The following ADAM12 variants were observed in gnomAD, a reference collection of about 807,000 sequenced individuals.
The protein encoded by ADAM12 is disintegrin and metalloproteinase domain-containing protein 12.
A neutral mutation model predicts 106.4 loss-of-function variants in ADAM12; 70 were observed. That is an observed-to-expected ratio of 0.66 (90% CI 0.54 to 0.80). The LOEUF (loss-of-function observed/expected upper bound fraction) is 0.80, where lower values mean the gene tolerates loss of function less well. ADAM12 is among the 30% of genes least tolerant of loss of function. The pLI is 0.00. For missense variants in ADAM12, 1,010 were observed against 1,171.9 expected, an observed-to-expected ratio of 0.86 and a Z score of 2.02; for synonymous variants, 420 against 433.5, an observed-to-expected ratio of 0.97 and a Z score of 0.39.
chr10:126,254,366 G>A (rs1263126056), intron 3 of ADAM12, among the ~76,000 whole-genome samples: 1 of 152,206 alleles, frequency 6.6e-6, no homozygotes, highest in African/African-American at 2.4e-5. Flanking sequence ...AAAATGCCAA[G>A]CGCAAGTCAT....
chr10:126,018,114 T>G (rs141867577), intron 22 of ADAM12, among the ~76,000 whole-genome samples: 401 of 152,384 alleles, frequency 2.6e-3, no homozygotes, highest in African/African-American at 9.0e-3. Flanking sequence ...TAAGCAGCTC[T>G]TTCTTTCACG....
At chr10:126,159,547 T>C (rs1001694524) in intron 3 of ADAM12, among the ~76,000 whole-genome samples, 1 of 152,084 alleles carries the variant, frequency 6.6e-6, no homozygotes, top group African/African-American at 2.4e-5. Context: ...GAGTGATGGG[T>C]GCAGACATTT....
At chr10:126,357,716 A>G (rs1457325007) in intron 1 of ADAM12, among the ~76,000 whole-genome samples, 1 of 152,144 alleles carries the variant, frequency 6.6e-6, no homozygotes, top group Non-Finnish European at 1.5e-5. Flanking sequence ...AGACCCTTAT[A>G]AAAAGACCCA....
intron 1 of ADAM12, among the ~76,000 whole-genome samples, chr10:126,339,276 C>T (rs1313350368): frequency 6.6e-6 from 1 of 152,200 alleles, no homozygotes; most frequent in East Asian, 1.9e-4. Flanking sequence ...ATTTCAATGT[C>T]TTGTCACCAT....
chr10:126,261,873 G>A (rs905880083), intron 3 of ADAM12, among the ~76,000 whole-genome samples: 6 of 149,340 alleles, frequency 4.0e-5, no homozygotes, highest in East Asian at 2.0e-4. Flanking sequence ...CGCGATCTCC[G>A]CTCACTGCAA....
chr10:126,205,145 G>A (rs564807752), intron 3 of ADAM12, among the ~76,000 whole-genome samples: 11 of 152,224 alleles, frequency 7.2e-5, no homozygotes, highest in Admixed American at 5.2e-4. Flanking sequence ...TAGCAGGAGA[G>A]CCTGACCAAG....
intron 12 of ADAM12, among the ~76,000 whole-genome samples, chr10:126,069,896 T>C (rs190814644): frequency 2.4e-4 from 36 of 152,276 alleles, no homozygotes; most frequent in African/African-American, 8.2e-4. Context: ...GTGGTCGTGA[T>C]TGTAGCAGTG....
intron 21 of ADAM12, among the ~76,000 whole-genome samples, chr10:126,035,328 T>C (rs1009680318): frequency 2.6e-5 from 4 of 152,142 alleles, no homozygotes; most frequent in African/African-American, 9.6e-5. Context: ...CTCTAGAACT[T>C]TCTAACAGCA....
At chr10:126,122,329 C>G (rs1956130371) in intron 5 of ADAM12, among the ~76,000 whole-genome samples, 1 of 152,164 alleles carries the variant, frequency 6.6e-6, no homozygotes, top group African/African-American at 2.4e-5. Context: ...CTTTGGTCAT[C>G]AACTCTGTGG....
intron 14 of ADAM12, among the ~76,000 whole-genome samples, chr10:126,050,003 G>A (rs1954437535): frequency 5.6e-5 from 2 of 36,012 alleles, no homozygotes; most frequent in African/African-American, 1.3e-4. Context: ...TGGCTGGCTG[G>A]CTGGCTGGCT....
intron 1 of ADAM12, among the ~76,000 whole-genome samples, chr10:126,335,077 G>A (rs1274560664): frequency 6.6e-6 from 1 of 152,204 alleles, no homozygotes; most frequent in East Asian, 1.9e-4. Context: ...TTAGATATCA[G>A]AATCCAAGTT....
intron 2 of ADAM12, among the ~76,000 whole-genome samples, chr10:126,324,454 C>A (rs1374590269): frequency 1.3e-5 from 2 of 152,190 alleles, no homozygotes; most frequent in African/African-American, 4.8e-5. Context: ...TACCCAGTCC[C>A]ATGGGCATCA....
chr10:126,096,195 T>C (rs1017549602), intron 10 of ADAM12, among the ~76,000 whole-genome samples: 2 of 152,220 alleles, frequency 1.3e-5, no homozygotes, highest in African/African-American at 2.4e-5. Context: ...ACATAGGGGC[T>C]GAAGTTACCA....
intron 11 of ADAM12, among the ~76,000 whole-genome samples, chr10:126,072,162 A>T (rs919317703): frequency 6.6e-6 from 1 of 152,162 alleles, no homozygotes; most frequent in Non-Finnish European, 1.5e-5. Context: ...AGGTCTATAA[A>T]GGCCAAGTCC....
At chr10:126,177,387 C>T (rs541123725) in intron 3 of ADAM12, among the ~76,000 whole-genome samples, 1 of 152,232 alleles carries the variant, frequency 6.6e-6, no homozygotes, top group Admixed American at 6.5e-5. Flanking sequence ...ATTTAATAAG[C>T]ACTCTCTCAT....
chr10:126,293,410 C>T (rs1391838783), intron 2 of ADAM12, among the ~76,000 whole-genome samples: 1 of 152,210 alleles, frequency 6.6e-6, no homozygotes, highest in African/African-American at 2.4e-5. Flanking sequence ...AGTTTGTAAC[C>T]CTGGCCTGGC....
intron 3 of ADAM12, among the ~76,000 whole-genome samples, chr10:126,183,774 T>G (rs1305761437): frequency 6.6e-6 from 1 of 152,138 alleles, no homozygotes; most frequent in African/African-American, 2.4e-5. Flanking sequence ...AGCCACAAAA[T>G]GGGCACCCAC....
chr10:126,112,382 T>G (rs1955886680), intron 6 of ADAM12, among the ~76,000 whole-genome samples: 1 of 151,716 alleles, frequency 6.6e-6, no homozygotes, highest in Non-Finnish European at 1.5e-5. Context: ...TTTAAAAAAT[T>G]TAAAAAAAGA....
intron 3 of ADAM12, among the ~76,000 whole-genome samples, 174 bp downstream of exon 3, chr10:126,278,741 T>C (rs577270612): frequency 6.6e-6 from 1 of 152,352 alleles, no homozygotes; most frequent in South Asian, 2.1e-4. Context: ...TAAAATTCTT[T>C]ATTTTTCCAT....
Sources: allele counts gnomAD v4.1 joint callset (sites outside exome capture counted in the v4.1 genomes callset), GRCh38; gene constraint gnomAD v4.1.1; transcripts MANE v1.5; gene names NCBI Gene and HGNC (gene_info 2026-07-23, HGNC 2026-07-21).